The following ANO1 variants were observed in gnomAD, a reference collection of about 807,000 sequenced individuals.
ANO1 encodes the protein anoctamin 1.
In ANO1, 59 loss-of-function variants were observed where a neutral mutation model predicts 124.0. That is an observed-to-expected ratio of 0.48 (90% CI 0.39 to 0.59). The LOEUF (loss-of-function observed/expected upper bound fraction) is 0.59, where lower values mean the gene tolerates loss of function less well. ANO1 is among the 20% of genes least tolerant of loss of function. ANO1 has a pLI of 0.00. For missense variants in ANO1, 1,059 were observed against 1,328.0 expected (o/e 0.80, Z 3.15); for synonymous variants, 529 against 532.0 (o/e 0.99, Z 0.08).
At chr11:70,147,264 T>C (rs2047416333) in intron 11 of ANO1, among the ~76,000 whole-genome samples, 1 of 152,190 alleles carries the variant, frequency 6.6e-6, no homozygotes, top group African/African-American at 2.4e-5. Flanking sequence ...AGGGAATGGA[T>C]GGCCTCCTCC....
At chr11:70,166,850 G>A (rs1029337351) in intron 20 of ANO1, among the ~76,000 whole-genome samples, 1 of 152,188 alleles carries the variant, frequency 6.6e-6, no homozygotes, top group African/African-American at 2.4e-5. Context: ...CAGAAACTTA[G>A]AAATATCACT....
chr11:69,996,868 C>T (rs1406448599), intron 1 of ANO1, among the ~76,000 whole-genome samples: 1 of 152,240 alleles, frequency 6.6e-6, no homozygotes, highest in Non-Finnish European at 1.5e-5. Context: ...GTCTCTGTAA[C>T]AGAATGCCAG....
intron 2 of ANO1, among the ~76,000 whole-genome samples, chr11:70,101,750 G>A (rs912035379): frequency 6.6e-6 from 1 of 152,114 alleles, no homozygotes; most frequent in African/African-American, 2.4e-5. Context: ...CGGAGGGGAT[G>A]GATGAGGTCC....
intron 23 of ANO1, 95 bp from the exon 24 acceptor site, chr11:70,182,407 G>A: frequency 9.4e-7 from 1 of 1,068,532 alleles, no homozygotes; most frequent in Non-Finnish European, 1.3e-6. Flanking sequence ...ATATGGCCAG[G>A]GTCCAGTGTA....
At position 70,095,244 on chromosome 11, in the gene ANO1, AAAGAAAGG is replaced by A. The variant is rs1412224045; in HGVS notation, c.441+7164_441+7171del. ...AGAGAGAGAGAGAGGAAAGAAAGAA[AAAGAAAGG>A]AAGGAAGGAAGGAAGGAAGGAAGGA... On this transcript the variant is annotated intron_variant, in intron 2 of 25. Transcript: ENST00000355303. Among the ~76,000 whole-genome samples, 8 of 50,682 alleles carry A rather than the reference AAAGAAAGG, an allele frequency of 1.6e-4. 1 individual carries two copies. The highest frequency in any genetic ancestry group is 3.3e-4 in the Non-Finnish European group (8 of 24,190). The allele number at this position is 50,682 out of a possible 152,430, so 33.2% of individuals were successfully genotyped here. A position where few individuals can be genotyped will look rare whatever the true frequency, so the allele number is the denominator to read the frequency against.
At chr11:70,079,719 A>C (rs536864740) in intron 1 of ANO1, among the ~76,000 whole-genome samples, 2 of 152,214 alleles carry the variant, frequency 1.3e-5, no homozygotes, top group African/African-American at 2.4e-5. Context: ...GGGCTGCTTC[A>C]AGCAGGATGA....
intron 4 of ANO1, among the ~76,000 whole-genome samples, chr11:70,105,035 G>A (rs774008681): frequency 1.7e-4 from 26 of 152,084 alleles, no homozygotes; most frequent in Non-Finnish European, 2.8e-4. Flanking sequence ...ATCCAGAACA[G>A]GGGCTTGGGG....
At chr11:70,187,120 C>A (rs1426049961) in intron 25 of ANO1, among the ~76,000 whole-genome samples, 2 of 152,238 alleles carry the variant, frequency 1.3e-5, no homozygotes, top group Admixed American at 1.3e-4. Context: ...GCAGCCAACC[C>A]CAGCCCCAGC....
chr11:70,131,639 T>A (rs1241553690), intron 10 of ANO1, among the ~76,000 whole-genome samples: 1 of 152,200 alleles, frequency 6.6e-6, no homozygotes, highest in Non-Finnish European at 1.5e-5. Flanking sequence ...ATTGTGTGTT[T>A]TAAGGCAGCA....
upstream of ANO1, among the ~76,000 whole-genome samples, chr11:70,076,262 T>G (rs2135153397): frequency 6.6e-6 from 1 of 152,262 alleles, no homozygotes; most frequent in South Asian, 2.1e-4. Context: ...CACTGTTTCT[T>G]GAGTAAAGCC....
At chr11:70,085,807 C>T (rs2044351479) in intron 1 of ANO1, 4 of 1,116,436 alleles carry the variant, frequency 3.6e-6, no homozygotes, top group Non-Finnish European at 2.4e-6. Context: ...GGGAGGGGCT[C>T]CACCCTCCGG....
intron 11 of ANO1, among the ~76,000 whole-genome samples, chr11:70,144,022 T>C (rs1029109121): frequency 7.9e-5 from 12 of 151,980 alleles, no homozygotes; most frequent in Non-Finnish European, 1.8e-4. Flanking sequence ...ACTACCAATC[T>C]GCTTTCTGTC....
At position 70,161,367 on chromosome 11, in the gene ANO1, G is replaced by C; in HGVS notation, c.1780+5G>C. 6.2e-7 allele frequency: 1 copy of C among 1,613,694 alleles called. No individual in the cohort carries two copies. The highest frequency in any genetic ancestry group is 1.1e-5 in the South Asian group (1 of 91,082). The stretch of plus-strand genomic sequence containing the variant: ...CCCGATGGCTCACCAAGATCGGTGA[G>C]TGCCCATGTTCCAGGTACTGTGGCC... On this transcript the variant is annotated splice_donor_5th_base_variant and intron_variant, in intron 17 of 25. Coordinates refer to ENST00000355303, the MANE Select transcript of ANO1 (RefSeq NM_018043.7).
intron 11 of ANO1, 106 bp downstream of exon 11, chr11:70,132,185 C>T (rs1392925700): frequency 1.0e-5 from 14 of 1,380,568 alleles, no homozygotes; most frequent in South Asian, 5.7e-5. Context: ...CAGGGGTTGT[C>T]GGGAAAAAAC....
intron 8 of ANO1, among the ~76,000 whole-genome samples, chr11:70,124,034 C>T (rs1565224262): frequency 6.6e-6 from 1 of 152,170 alleles, no homozygotes; most frequent in Non-Finnish European, 1.5e-5. Context: ...GCTCAAAACC[C>T]TGGTGACTTT....
At chr11:70,145,209 G>A (rs925397056) in intron 11 of ANO1, among the ~76,000 whole-genome samples, 3 of 152,166 alleles carry the variant, frequency 2.0e-5, no homozygotes, top group Non-Finnish European at 4.4e-5. Flanking sequence ...TTTGAGGACT[G>A]GCCACCAGGC....
intron 1 of ANO1, among the ~76,000 whole-genome samples, chr11:70,086,479 AC>A (rs2044389190): frequency 6.6e-6 from 1 of 152,096 alleles, no homozygotes; most frequent in African/African-American, 2.4e-5. Flanking sequence ...TGGAGCCCTA[AC>A]CCCGCCCCCT....
At chr11:70,149,636 GC>G in intron 11 of ANO1, 73 bp from the exon 12 acceptor site, 1 of 1,473,624 alleles carries the variant, frequency 6.8e-7, no homozygotes. Flanking sequence ...GGCAACAAGA[GC>G]AAAACTCTGT....
the ANO1 span, among the ~76,000 whole-genome samples, chr11:69,973,609 C>T: frequency 2.2e-3 from 329 of 152,218 alleles, no homozygotes; most frequent in African/African-American, 7.5e-3. Flanking sequence ...CGCGGTGGCT[C>T]ATGTCTGTAA....
Sources: allele counts gnomAD v4.1 joint callset (sites outside exome capture counted in the v4.1 genomes callset), GRCh38; gene constraint gnomAD v4.1.1; transcripts MANE v1.5; gene names NCBI Gene and HGNC (gene_info 2026-07-23, HGNC 2026-07-21).